Variants in ARHGAP26 observed in about 807,000 individuals in gnomAD.
ARHGAP26 encodes rho GTPase-activating protein 26.
ARHGAP26 carries 38 observed loss-of-function variants against 104.8 expected under a neutral mutation model. That is an observed-to-expected ratio of 0.36 (90% CI 0.28 to 0.48). The LOEUF (loss-of-function observed/expected upper bound fraction) is 0.48. Among genes scored for constraint, ARHGAP26 ranks in the 20% least tolerant of loss-of-function variants. ARHGAP26 has a pLI of 0.99. For missense variants in ARHGAP26, 704 were observed against 947.9 expected, an observed-to-expected ratio of 0.74 and a Z score of 3.38; for synonymous variants, 341 against 340.0, an observed-to-expected ratio of 1.00 and a Z score of -0.03.
chr5:142,972,952 A>G (rs1303620753), intron 11 of ARHGAP26, among the ~76,000 whole-genome samples: 1 of 152,058 alleles, frequency 6.6e-6, no homozygotes, highest in East Asian at 1.9e-4. Flanking sequence ...TTAAAATGGT[A>G]AATATTTCTG....
intron 11 of ARHGAP26, among the ~76,000 whole-genome samples, chr5:142,934,025 A>T (rs2152539593): frequency 6.6e-6 from 1 of 152,312 alleles, no homozygotes; most frequent in South Asian, 2.1e-4. Context: ...ACAATCCTGT[A>T]TGGGATTCTA....
chr5:143,147,447 T>G, intron 20 of ARHGAP26, 66 bp downstream of exon 20: 1 of 1,546,620 alleles, frequency 6.5e-7, no homozygotes, highest in Non-Finnish European at 8.8e-7. Context: ...TAGAATTTGC[T>G]GTCTGGCTCC....
chr5:143,188,515 A>G (rs1805468123), intron 20 of ARHGAP26, among the ~76,000 whole-genome samples: 1 of 152,224 alleles, frequency 6.6e-6, no homozygotes. Flanking sequence ...TTCTGGGAGA[A>G]TGACAGAAAA....
At chr5:142,891,997 TC>T (rs1658907393) in intron 5 of ARHGAP26, among the ~76,000 whole-genome samples, 1 of 151,852 alleles carries the variant, frequency 6.6e-6, no homozygotes, top group African/African-American at 2.4e-5. Flanking sequence ...GGGTGCCAGA[TC>T]CCAGATCAGT....
intron 11 of ARHGAP26, among the ~76,000 whole-genome samples, chr5:143,012,798 C>G (rs556362433): frequency 1.3e-5 from 2 of 150,488 alleles, no homozygotes; most frequent in East Asian, 3.9e-4. Flanking sequence ...GGACTACAGG[C>G]GCCCGCCACC....
At chr5:142,935,391 G>A (rs939079583) in intron 11 of ARHGAP26, among the ~76,000 whole-genome samples, 3 of 152,176 alleles carry the variant, frequency 2.0e-5, no homozygotes, top group African/African-American at 4.8e-5. Context: ...CCATGTGGTC[G>A]CGATTGCAGC....
rs187023922 is a variant in ARHGAP26, at chr5:143,098,199, C to T, written c.1539-22789C>T. 4.0e-3 allele frequency among the ~76,000 whole-genome samples: 607 copies of T among 152,222 alleles called. 8 individuals are homozygous for T. The highest frequency in any genetic ancestry group is 0.014 in the African/African-American group (586 of 41,540). On this transcript the variant is annotated intron_variant, in intron 17 of 22. Coordinates refer to ENST00000645722, the MANE Select transcript of ARHGAP26 (RefSeq NM_001135608.3). The stretch of plus-strand genomic sequence containing the variant: ...TACAGCTGTGCTTGACATATTTGAC[C>T]ATAAGTTCTAATGTTAGGGTTCAGA...
intron 20 of ARHGAP26, among the ~76,000 whole-genome samples, chr5:143,182,113 C>G (rs1804468717): frequency 2.0e-5 from 3 of 152,216 alleles, no homozygotes; most frequent in African/African-American, 7.2e-5. Flanking sequence ...CCTGACCCTT[C>G]TGTCCCCACA....
intron 10 of ARHGAP26, 149 bp downstream of exon 10, chr5:142,913,442 T>C: frequency 1.5e-6 from 1 of 673,794 alleles, no homozygotes; most frequent in Non-Finnish European, 2.6e-6. Context: ...CCTTTCCTTC[T>C]CCATCCATTC....
intron 5 of ARHGAP26, among the ~76,000 whole-genome samples, chr5:142,889,959 AC>A (rs70991784): frequency 0.45 from 67,590 of 149,096 alleles, 18,348 homozygotes; most frequent in East Asian, 0.91. Context: ...ACGTGGAGAA[AC>A]CCCCATCTCT....
intron 12 of ARHGAP26, among the ~76,000 whole-genome samples, chr5:143,021,975 A>G (rs1252572860): frequency 6.6e-6 from 1 of 152,232 alleles, no homozygotes; most frequent in Non-Finnish European, 1.5e-5. Context: ...ACACTAGGTC[A>G]TTTGAGAGAG....
intron 1 of ARHGAP26, chr5:142,771,432 G>C (rs1212028764): frequency 1.1e-5 from 14 of 1,230,970 alleles, no homozygotes; most frequent in Middle Eastern, 3.1e-4. Flanking sequence ...AGGCCGCCGG[G>C]TTCCCTGGGT....
chr5:143,218,594 G>A (rs1227179243), intron 22 of ARHGAP26, among the ~76,000 whole-genome samples: 1 of 152,192 alleles, frequency 6.6e-6, no homozygotes, highest in African/African-American at 2.4e-5. Flanking sequence ...AGGGATGTAT[G>A]GTGTACATGG....
chr5:142,883,204 AT>A (rs1351761020), intron 4 of ARHGAP26, among the ~76,000 whole-genome samples: 3 of 152,176 alleles, frequency 2.0e-5, no homozygotes, highest in Admixed American at 6.5e-5. Context: ...CCAGTGACTC[AT>A]GTTCCCTGGC....
intron 11 of ARHGAP26, among the ~76,000 whole-genome samples, chr5:142,971,320 GA>G (rs1401671057): frequency 1.3e-5 from 2 of 152,136 alleles, no homozygotes; most frequent in Non-Finnish European, 1.5e-5. Flanking sequence ...CTTTTGAAGA[GA>G]ATGAAATTGC....
At chr5:143,171,024 AAGAG>A (rs928684643) in intron 20 of ARHGAP26, among the ~76,000 whole-genome samples, 3 of 152,208 alleles carry the variant, frequency 2.0e-5, no homozygotes, top group African/African-American at 7.2e-5. Context: ...TTAAGAGAAA[AAGAG>A]AGGGGAAAAA....
chr5:143,103,554 T>A (rs536817496), intron 17 of ARHGAP26, among the ~76,000 whole-genome samples: 3 of 112,318 alleles, frequency 2.7e-5, no homozygotes, highest in Admixed American at 1.1e-4. Flanking sequence ...CAAATGCCCA[T>A]GAATGTTAGA....
chr5:142,862,525 A>T (rs1191593159), intron 1 of ARHGAP26, among the ~76,000 whole-genome samples: 1 of 152,242 alleles, frequency 6.6e-6, no homozygotes, highest in Non-Finnish European at 1.5e-5. Flanking sequence ...TGTAATATGT[A>T]TGAAGAAAGG....
intron 22 of ARHGAP26, among the ~76,000 whole-genome samples, chr5:143,221,127 T>C (rs1811073851): frequency 1.3e-5 from 2 of 152,204 alleles, no homozygotes; most frequent in African/African-American, 4.8e-5. Flanking sequence ...CACCTCTTAG[T>C]CCCATGATTC....
Sources: allele counts gnomAD v4.1 joint callset (sites outside exome capture counted in the v4.1 genomes callset), GRCh38; gene constraint gnomAD v4.1.1; transcripts MANE v1.5; gene names NCBI Gene and HGNC (gene_info 2026-07-23, HGNC 2026-07-21).